The following MYO1H variants were observed in gnomAD, a reference collection of about 807,000 sequenced individuals.
MYO1H encodes myosin IH.
In MYO1H, 118 loss-of-function variants were observed where a neutral mutation model predicts 149.3. The ratio of observed to expected loss-of-function variants is 0.79; its 90% CI spans 0.68 to 0.92. MYO1H has a LOEUF of 0.92. MYO1H is among the 40% of genes least tolerant of loss of function. The probability of loss-of-function intolerance (pLI) is 0.00; values close to 1 mark genes in which losing one functional copy is unlikely to be tolerated. For missense variants in MYO1H, 1,212 were observed against 1,280.7 expected, an observed-to-expected ratio of 0.95 and a Z score of 0.82; for synonymous variants, 447 against 465.2, an observed-to-expected ratio of 0.96 and a Z score of 0.50.
At position 109,443,010 on chromosome 12, in the gene MYO1H, ATATAT is replaced by A. The variant is rs1365508541; in HGVS notation, c.2689-503_2689-499del. Among the ~76,000 whole-genome samples the A allele has an allele frequency of 4.7e-4, 26 of 54,742 alleles. 2 individuals carry two copies. The highest frequency in any genetic ancestry group is 6.9e-4 in the Non-Finnish European group (20 of 29,036). 35.9% of individuals were successfully genotyped at this position (54,742 alleles called of 152,430 possible). ...GCAGAGAGCCAGGAAAAAAAAAAAAATATATATATATATATATATGTGTGTGTGTG... is the reference window on the plus strand; with the variant it reads ...GCAGAGAGCCAGGAAAAAAAAAAAAAATATATATATATATGTGTGTGTGTG... On this transcript the variant is annotated intron_variant, in intron 27 of 31. Transcript: ENST00000310903.
At chr12:109,362,931 A>G (rs1416887731) in intron 1 of MYO1H, among the ~76,000 whole-genome samples, 2 of 152,220 alleles carry the variant, frequency 1.3e-5, no homozygotes, top group Admixed American at 6.5e-5. Context: ...CCAAGAAGGA[A>G]TAAGTTGTTT....
chr12:109,315,801 A>T, the MYO1H span, among the ~76,000 whole-genome samples: 2 of 152,256 alleles, frequency 1.3e-5, no homozygotes, highest in Non-Finnish European at 2.9e-5. Flanking sequence ...TACAGTGAAG[A>T]CAAAAATAAA....
At chr12:109,426,874 G>A (rs1257382548) in intron 18 of MYO1H, among the ~76,000 whole-genome samples, 2 of 152,154 alleles carry the variant, frequency 1.3e-5, no homozygotes, top group African/African-American at 4.8e-5. Flanking sequence ...AACTGGAGAA[G>A]GCACATTCTG....
intron 1 of MYO1H, among the ~76,000 whole-genome samples, chr12:109,353,112 G>C (rs767152571): frequency 2.6e-5 from 4 of 152,024 alleles, no homozygotes; most frequent in Non-Finnish European, 5.9e-5. Flanking sequence ...ATATTATTGT[G>C]AGGCTGGGCA....
At chr12:109,431,764 A>G (rs752259891) in intron 19 of MYO1H, among the ~76,000 whole-genome samples, 42 of 152,116 alleles carry the variant, frequency 2.8e-4, no homozygotes, top group Non-Finnish European at 5.1e-4. Context: ...TCAGGTTCTT[A>G]ACACTGGAGC....
In MYO1H at chr12:109,415,511, A is replaced by T; in HGVS notation, c.1503-15A>T. Reference sequence around the variant, plus strand: ...AGAAAAGAAAGTTCAACTCGTGTCTATTTCTGTCTCGTAGCCGTAAGCTGG... The same window carrying T: ...AGAAAAGAAAGTTCAACTCGTGTCTTTTTCTGTCTCGTAGCCGTAAGCTGG... On this transcript the variant is annotated splice_polypyrimidine_tract_variant and intron_variant, in intron 14 of 31. Transcript: ENST00000310903. 1.3e-6 allele frequency: 2 copies of T among 1,591,462 alleles called. No individual in the cohort carries two copies. Among genetic ancestry groups the T allele is most frequent in the South Asian group, 2.3e-5 (2 of 87,292 alleles).
At chr12:109,413,957 A>C (rs556881145) in intron 14 of MYO1H, among the ~76,000 whole-genome samples, 1 of 152,094 alleles carries the variant, frequency 6.6e-6, no homozygotes, top group Admixed American at 6.6e-5. Flanking sequence ...TTGCAATGCA[A>C]TGCATACAAC....
At chr12:109,365,994 G>A (rs1868858205) in intron 1 of MYO1H, among the ~76,000 whole-genome samples, 1 of 152,194 alleles carries the variant, frequency 6.6e-6, no homozygotes, top group Admixed American at 6.5e-5. Context: ...CACGTGTGAA[G>A]GATCTAGGTT....
At chr12:109,312,482 G>T in the MYO1H span, among the ~76,000 whole-genome samples, 4 of 152,196 alleles carry the variant, frequency 2.6e-5, no homozygotes, top group African/African-American at 9.6e-5. Context: ...TGATCTGCCC[G>T]CCTCAGTCTC....
intron 8 of MYO1H, among the ~76,000 whole-genome samples, chr12:109,406,467 TAAAAAAAAAAAAA>T (rs56744077): frequency 1.8e-4 from 8 of 43,640 alleles, no homozygotes; most frequent in East Asian, 1.6e-3. Flanking sequence ...CCCTATCTCT[TAAAAAAAAAAAAA>T]AAAAAAAAAA....
the MYO1H span, among the ~76,000 whole-genome samples, chr12:109,326,024 G>A: frequency 6.6e-6 from 1 of 152,184 alleles, no homozygotes; most frequent in Non-Finnish European, 1.5e-5. Flanking sequence ...ATCCCTGATA[G>A]CAGTTCTTCG....
chr12:109,409,605 G>A (rs1868298720), exon 11 of MYO1H: 2 of 1,613,680 alleles, frequency 1.2e-6, no homozygotes, highest in Non-Finnish European at 1.7e-6. Flanking sequence ...CTATGGGTTT[G>A]AAGTCTTTGA....
chr12:109,369,733 C>G (rs950472512), intron 1 of MYO1H, among the ~76,000 whole-genome samples: 24 of 152,328 alleles, frequency 1.6e-4, no homozygotes, highest in African/African-American at 5.1e-4. Context: ...TGGTCAGCAG[C>G]ATAGGTCGTC....
chr12:109,335,578 C>CAAACA, the MYO1H span, among the ~76,000 whole-genome samples: 1 of 148,548 alleles, frequency 6.7e-6, no homozygotes, highest in Non-Finnish European at 1.5e-5. Context: ...AACAAACAAA[C>CAAACA]AAAAAAAAAA....
intron 1 of MYO1H, among the ~76,000 whole-genome samples, chr12:109,382,563 T>C (rs1869223508): frequency 6.6e-6 from 1 of 152,190 alleles, no homozygotes; most frequent in Non-Finnish European, 1.5e-5. Context: ...GGAATTATTA[T>C]GGTATTCTTT....
upstream of MYO1H, among the ~76,000 whole-genome samples, chr12:109,346,271 A>G (rs1047322067): frequency 1.3e-5 from 2 of 152,208 alleles, no homozygotes; most frequent in African/African-American, 4.8e-5. Context: ...GGATGTGCAT[A>G]GGTTATATGC....
the MYO1H span, among the ~76,000 whole-genome samples, chr12:109,327,123 TTTTTCTTTTTC>T: frequency 6.6e-5 from 8 of 120,662 alleles, no homozygotes; most frequent in African/African-American, 1.7e-4. Flanking sequence ...TTTCTTTTTC[TTTTTCTTTTTC>T]TTTTTTTTTT....
chr12:109,323,101 T>C, the MYO1H span, among the ~76,000 whole-genome samples: 1 of 152,088 alleles, frequency 6.6e-6, no homozygotes, highest in African/African-American at 2.4e-5. Context: ...AGTGAGACTG[T>C]CTCAAAAACA....
chr12:109,419,472 G>A (rs1871074117), intron 15 of MYO1H, among the ~76,000 whole-genome samples: 2 of 152,044 alleles, frequency 1.3e-5, no homozygotes, highest in Non-Finnish European at 2.9e-5. Context: ...CTTTCTGTGG[G>A]GGGAGTGAAG....
Sources: allele counts gnomAD v4.1 joint callset (sites outside exome capture counted in the v4.1 genomes callset), GRCh38; gene constraint gnomAD v4.1.1; transcripts MANE v1.5; gene names NCBI Gene and HGNC (gene_info 2026-07-23, HGNC 2026-07-21).